Variants in TENM3 observed in about 807,000 individuals in gnomAD.
TENM3 encodes the protein teneurin-3.
TENM3 carries 63 observed loss-of-function variants against 255.1 expected under a neutral mutation model. The observed-to-expected ratio is 0.25, with a 90% CI of 0.20 to 0.30. The LOEUF (loss-of-function observed/expected upper bound fraction) is 0.30, where lower values mean the gene tolerates loss of function less well. Ranked by LOEUF, TENM3 falls within the 10% of genes least tolerant of loss-of-function variation. The pLI, the probability that TENM3 is intolerant of heterozygous loss-of-function variation, is 1.00. For synonymous variants in TENM3, 1,306 were observed against 1,322.3 expected (o/e 0.99, Z 0.27); for missense variants, 2,929 against 3,461.1 (o/e 0.85, Z 3.86).
At chr4:181,832,061 G>A in the TENM3 span, among the ~76,000 whole-genome samples, 1 of 148,718 alleles carries the variant, frequency 6.7e-6, no homozygotes. Flanking sequence ...GTCATTCACG[G>A]TATGGAGAAA....
At chr4:182,280,121 G>A (rs1429965959) in intron 1 of TENM3, among the ~76,000 whole-genome samples, 1 of 152,120 alleles carries the variant, frequency 6.6e-6, no homozygotes, top group Admixed American at 6.5e-5. Context: ...CCCAGTTCCT[G>A]GACCCAGTGT....
chr4:182,293,997 T>C (rs1042130851), intron 1 of TENM3, among the ~76,000 whole-genome samples: 7 of 152,140 alleles, frequency 4.6e-5, no homozygotes, highest in Non-Finnish European at 1.5e-5. Context: ...GTTGGGTCTT[T>C]CCTGCGCTCC....
At chr4:182,067,389 A>G in the TENM3 span, among the ~76,000 whole-genome samples, 1 of 152,136 alleles carries the variant, frequency 6.6e-6, no homozygotes, top group Non-Finnish European at 1.5e-5. Flanking sequence ...CCCAAACCCC[A>G]TCATTCGGGG....
At chr4:182,140,986 T>TC (rs199951374), upstream of TENM3, among the ~76,000 whole-genome samples, 2,139 of 115,122 alleles carry the variant, frequency 0.019, 65 homozygotes, top group African/African-American at 0.064. Flanking sequence ...GCCCATTATA[T>TC]CCCTCCCCCC....
chr4:182,019,434 A>C, the TENM3 span, among the ~76,000 whole-genome samples: 2 of 152,234 alleles, frequency 1.3e-5, no homozygotes, highest in East Asian at 3.9e-4. Flanking sequence ...CCTTTGCTAT[A>C]TGTGTGATGT....
chr4:182,738,026 G>C (rs980002969), intron 17 of TENM3, among the ~76,000 whole-genome samples: 2 of 152,010 alleles, frequency 1.3e-5, no homozygotes, highest in Non-Finnish European at 2.9e-5. Context: ...GAAAACTAAA[G>C]AGTTCTAATT....
intron 13 of TENM3, among the ~76,000 whole-genome samples, chr4:182,718,559 C>T (rs1561153414): frequency 6.6e-6 from 1 of 152,196 alleles, no homozygotes; most frequent in Non-Finnish European, 1.5e-5. Flanking sequence ...AAGAATAGTT[C>T]TCCACAGCAT....
At chr4:181,805,722 C>G in the TENM3 span, among the ~76,000 whole-genome samples, 2 of 152,236 alleles carry the variant, frequency 1.3e-5, no homozygotes, top group Non-Finnish European at 2.9e-5. Flanking sequence ...TAGCAAAGCT[C>G]TGCTATGGAA....
the TENM3 span, among the ~76,000 whole-genome samples, chr4:181,946,412 T>G: frequency 6.6e-6 from 1 of 152,196 alleles, no homozygotes; most frequent in South Asian, 2.1e-4. Context: ...AATCCACTCA[T>G]CTTTCAAGAC....
At chr4:181,808,014 C>T in the TENM3 span, among the ~76,000 whole-genome samples, 21 of 152,156 alleles carry the variant, frequency 1.4e-4, no homozygotes, top group Non-Finnish European at 7.3e-5. Context: ...TGTAGCATTT[C>T]CCATGGGAGC....
intron 5 of TENM3, among the ~76,000 whole-genome samples, chr4:182,637,936 C>T (rs1222175165): frequency 6.6e-6 from 1 of 152,076 alleles, no homozygotes; most frequent in Admixed American, 6.6e-5. Context: ...TAAGTGTTAC[C>T]ACATAAACCT....
rs1751970589 is a variant in TENM3 at position 182,637,853 on chromosome 4, A to T, written c.988+8964A>T. On this transcript the variant is annotated intron_variant, in intron 5 of 27. Coordinates refer to ENST00000511685, the MANE Select transcript of TENM3 (RefSeq NM_001080477.4). ...GAACTTTACTGAATCTGAGCATTCA[A>T]GATTTTCCTGCTAAGGCCTAAATAA... 2.0e-5 allele frequency among the ~76,000 whole-genome samples: 3 copies of T among 152,222 alleles called. No individual in the cohort carries two copies. The South Asian group carries it at 6.2e-4, about 32-fold the overall frequency.
At chr4:181,487,784 C>G in the TENM3 span, among the ~76,000 whole-genome samples, 3 of 151,764 alleles carry the variant, frequency 2.0e-5, no homozygotes, top group South Asian at 6.3e-4. Flanking sequence ...GTGGTCCTGC[C>G]GCATTAGATC....
At chr4:181,600,249 G>T in the TENM3 span, among the ~76,000 whole-genome samples, 52 of 152,272 alleles carry the variant, frequency 3.4e-4, no homozygotes, top group African/African-American at 1.2e-3. Flanking sequence ...CCAGGTTTTT[G>T]CTATTGCACA....
intron 12 of TENM3, among the ~76,000 whole-genome samples, chr4:182,711,025 G>T (rs1379965921): frequency 6.6e-6 from 1 of 152,104 alleles, no homozygotes; most frequent in Non-Finnish European, 1.5e-5. Context: ...TTCCTAATGG[G>T]CTATATATGC....
At chr4:182,757,031 G>A (rs906907383) in intron 22 of TENM3, among the ~76,000 whole-genome samples, 2 of 152,116 alleles carry the variant, frequency 1.3e-5, no homozygotes, top group East Asian at 3.9e-4. Flanking sequence ...ATCTTCAGGA[G>A]GCCGGGCGCG....
chr4:182,785,299 T>C (rs1220485601), intron 24 of TENM3, among the ~76,000 whole-genome samples: 2 of 151,974 alleles, frequency 1.3e-5, no homozygotes, highest in African/African-American at 4.8e-5. Flanking sequence ...CTCAAACTGC[T>C]GACCTTAAGT....
chr4:182,236,508 G>A (rs1451282338), intron 1 of TENM3, among the ~76,000 whole-genome samples: 2 of 152,226 alleles, frequency 1.3e-5, no homozygotes, highest in East Asian at 3.9e-4. Context: ...TCATCCCTGG[G>A]CAATTACTTC....
In TENM3 at chr4:182,207,505, G is replaced by A. The variant is rs765187310; in HGVS notation, c.-76+62751G>A. Among the ~76,000 whole-genome samples the A allele has an allele frequency of 5.9e-5, 9 of 152,282 alleles. No homozygotes were observed. In the South Asian group the frequency reaches 8.3e-4, roughly 14 times the overall value. ...CAGCCCATGCAAAAAGATATGTGGC[G>A]GGGCAGAGCTGTTATTAAAATTATA... On this transcript the variant is annotated intron_variant, in intron 1 of 2. Coordinates refer to the TENM3 transcript ENST00000512480.
Sources: allele counts gnomAD v4.1 joint callset (sites outside exome capture counted in the v4.1 genomes callset), GRCh38; gene constraint gnomAD v4.1.1; transcripts MANE v1.5; gene names NCBI Gene and HGNC (gene_info 2026-07-23, HGNC 2026-07-21).